NSUN6: variants seen among roughly 807,000 people sequenced by gnomAD.
NSUN6 encodes NOP2/Sun RNA methyltransferase 6.
Under a neutral mutation model 58.0 loss-of-function variants are expected in NSUN6, and 64 were observed. The observed-to-expected ratio is 1.10, with a 90% CI of 0.90 to 1.36. The LOEUF (loss-of-function observed/expected upper bound fraction) is 1.36. Ranked by LOEUF, NSUN6 falls within the 40% of genes most tolerant of loss-of-function variation. The pLI, the probability that NSUN6 is intolerant of heterozygous loss-of-function variation, is 0.00. For missense variants in NSUN6, 701 were observed against 550.1 expected (o/e 1.27, Z -2.74); for synonymous variants, 231 against 193.9 (o/e 1.19, Z -1.59).
intron 9 of NSUN6, 156 bp downstream of exon 9, chr10:18,551,667 G>A: frequency 1.7e-6 from 1 of 581,564 alleles, no homozygotes; most frequent in African/African-American, 1.9e-5. Context: ...TATGGATATA[G>A]CACATTCTGT....
intron 8 of NSUN6, among the ~76,000 whole-genome samples, chr10:18,558,814 G>C (rs890536564): frequency 1.3e-5 from 2 of 150,418 alleles, no homozygotes; most frequent in East Asian, 1.9e-4. Flanking sequence ...GAATGGAAGG[G>C]AGAATGGAAT....
chr10:18,589,707 C>T (rs1246446955), intron 7 of NSUN6, among the ~76,000 whole-genome samples: 3 of 152,102 alleles, frequency 2.0e-5, no homozygotes, highest in Non-Finnish European at 4.4e-5. Flanking sequence ...CAAGCAAATG[C>T]TGAGGGATTT....
At chr10:18,616,328 C>T in intron 3 of NSUN6, 35 bp from the exon 4 acceptor site, 4 of 1,289,762 alleles carry the variant, frequency 3.1e-6, no homozygotes, top group African/African-American at 1.5e-5. Flanking sequence ...TTAATAGTAA[C>T]ATACCTCCAA....
At chr10:18,613,973 A>G (rs1233976043) in intron 5 of NSUN6, among the ~76,000 whole-genome samples, 1 of 152,218 alleles carries the variant, frequency 6.6e-6, no homozygotes, top group Non-Finnish European at 1.5e-5. Context: ...AGAACAGACT[A>G]TATTTTAATT....
intron 9 of NSUN6, among the ~76,000 whole-genome samples, chr10:18,549,041 T>A (rs1279280669): frequency 6.6e-5 from 10 of 152,126 alleles, no homozygotes. Context: ...CCTGCTTTAT[T>A]CCCTGCCCTC....
In NSUN6 at chr10:18,633,277, G is replaced by T. The variant is rs145028225; in HGVS notation, c.311+9199C>A. Among the ~76,000 whole-genome samples, 193 of 145,548 alleles carry T rather than the reference G, an allele frequency of 1.3e-3. 2 individuals carry two copies. The highest frequency in any genetic ancestry group is 3.0e-3 in the South Asian group (13 of 4,282). On this transcript the variant is annotated intron_variant, in intron 3 of 10. Transcript: ENST00000377304. ...GTTGTGGGGTGGTGGGAGCGGGGAG[G>T]GGGGAGGGATAGCATTGGGAGATAT...
chr10:18,653,212 G>A (rs1329004151), upstream of NSUN6: 21 of 984,538 alleles, frequency 2.1e-5, no homozygotes, highest in East Asian at 1.1e-4. Context: ...ACACCACTAT[G>A]TACCCAAGCC....
At chr10:18,576,097 G>A (rs188536615) in intron 8 of NSUN6, among the ~76,000 whole-genome samples, 1 of 152,224 alleles carries the variant, frequency 6.6e-6, no homozygotes, top group East Asian at 1.9e-4. Flanking sequence ...AGAGTCATGG[G>A]CCATAGTCCC....
intron 6 of NSUN6, among the ~76,000 whole-genome samples, chr10:18,600,245 C>T (rs532431397): frequency 6.6e-6 from 1 of 151,742 alleles, no homozygotes; most frequent in Non-Finnish European, 1.5e-5. Flanking sequence ...GAAAAAAAAA[C>T]CCCACAAATT....
intron 8 of NSUN6, among the ~76,000 whole-genome samples, chr10:18,554,730 G>A (rs769329878): frequency 6.6e-6 from 1 of 150,734 alleles, no homozygotes. Flanking sequence ...GTGGAGTGGA[G>A]AATGTATGGG....
chr10:18,650,425 G>A (rs1047332194), intron 1 of NSUN6, among the ~76,000 whole-genome samples: 3 of 152,152 alleles, frequency 2.0e-5, no homozygotes, highest in African/African-American at 7.2e-5. Context: ...ATTCACTTAC[G>A]TTTAATATCC....
chr10:18,619,510 C>G (rs151294962), intron 3 of NSUN6, among the ~76,000 whole-genome samples: 1 of 152,284 alleles, frequency 6.6e-6, no homozygotes, highest in East Asian at 1.9e-4. Context: ...TTCAACCCCC[C>G]AATAATAACT....
chr10:18,601,540 T>A (rs2057839285), intron 6 of NSUN6, among the ~76,000 whole-genome samples: 1 of 98,176 alleles, frequency 1.0e-5, no homozygotes, highest in Non-Finnish European at 2.1e-5. Flanking sequence ...GACTAAGACA[T>A]AACAGTTATG....
intron 10 of NSUN6, 94 bp from the exon 11 acceptor site, chr10:18,546,239 C>G (rs974555030): frequency 1.1e-6 from 1 of 871,474 alleles, no homozygotes. Flanking sequence ...TGGGCTGTAA[C>G]GACTACATCT....
At chr10:18,566,718 T>C (rs536518193) in intron 8 of NSUN6, among the ~76,000 whole-genome samples, 1 of 151,326 alleles carries the variant, frequency 6.6e-6, no homozygotes, top group East Asian at 2.0e-4. Context: ...CACTCCATTC[T>C]CCATTTCATT....
intron 3 of NSUN6, among the ~76,000 whole-genome samples, chr10:18,638,302 C>G (rs1209781195): frequency 6.6e-6 from 1 of 151,968 alleles, no homozygotes; most frequent in African/African-American, 2.4e-5. Flanking sequence ...ATTAGCTGGG[C>G]ATGGTGGCAG....
At position 18,643,221 on chromosome 10, in the gene NSUN6, G is replaced by C. The variant is rs534777024; in HGVS notation, c.232-666C>G. 1.2e-4 allele frequency among the ~76,000 whole-genome samples: 18 copies of C among 151,360 alleles called. No individual in the cohort carries two copies. The South Asian group carries it at 3.6e-3, about 30-fold the overall frequency. ...AATTGGGGTTATTTTTCCCAGAAAG[G>C]GTTTGTTAAATATGTACCAGCATAC... On this transcript the variant is annotated intron_variant, in intron 2 of 10. Transcript: ENST00000377304.
At chr10:18,552,864 TACC>T (rs1398373980) in intron 8 of NSUN6, among the ~76,000 whole-genome samples, 2 of 151,704 alleles carry the variant, frequency 1.3e-5, no homozygotes, top group African/African-American at 4.8e-5. Context: ...GCATTCCACA[TACC>T]ATTCCATTCT....
chr10:18,611,217 T>A lies in NSUN6; in HGVS notation c.576-1291A>T, dbSNP rs115861351. Among the ~76,000 whole-genome samples the A allele has an allele frequency of 3.7e-3, 559 of 152,094 alleles. 1 individual carries two copies. The highest frequency in any genetic ancestry group is 0.013 in the African/African-American group (521 of 41,484). ...ATAAAATTTTTAAAAAAATTTTTTT[T>A]AAAAATCATAACTTATACCTAGTTT... On this transcript the variant is annotated intron_variant, in intron 5 of 10. Coordinates refer to ENST00000377304, the MANE Select transcript of NSUN6 (RefSeq NM_182543.5).
Sources: gnomAD v4.1 joint callset for allele counts (sites outside exome capture counted in the v4.1 genomes callset) on GRCh38, gnomAD v4.1.1 for gene constraint, MANE v1.5 for transcripts, NCBI Gene and HGNC (gene_info 2026-07-23, HGNC 2026-07-21) for gene names.